Variants in MSH3 observed in about 807,000 individuals in gnomAD.
MSH3 encodes the protein mutS homolog 3.
MSH3 carries 106 observed loss-of-function variants against 123.3 expected under a neutral mutation model. That is an observed-to-expected ratio of 0.86 (90% confidence interval 0.73 to 1.01). The LOEUF is 1.01. Among genes scored for constraint, MSH3 ranks in the 50% least tolerant of loss-of-function variants. MSH3 has a pLI of 0.00. For missense variants in MSH3, 1,459 were observed against 1,347.6 expected, an observed-to-expected ratio of 1.08 and a Z score of -1.29; for synonymous variants, 515 against 481.4, an observed-to-expected ratio of 1.07 and a Z score of -0.91.
intron 20 of MSH3, among the ~76,000 whole-genome samples, chr5:80,827,122 TTAAG>T (rs1235880934): frequency 1.3e-5 from 2 of 152,218 alleles, no homozygotes; most frequent in Non-Finnish European, 2.9e-5. Flanking sequence ...GACTCAGTAA[TTAAG>T]TTTTAGAAAA....
At chr5:80,664,991 T>C (rs868323897) in intron 2 of MSH3, 152 bp from the exon 3 acceptor site, 40 of 634,112 alleles carry the variant, frequency 6.3e-5, no homozygotes, top group Non-Finnish European at 9.2e-5. Context: ...CTGAACCCAG[T>C]GTTTCTTTCT....
intron 12 of MSH3, among the ~76,000 whole-genome samples, chr5:80,748,939 C>G (rs1183537201): frequency 6.6e-6 from 1 of 151,982 alleles, no homozygotes; most frequent in Admixed American, 6.6e-5. Context: ...AGGTATTCCA[C>G]TTTCAGTAGC....
chr5:80,763,510 A>G (rs1269842906), intron 13 of MSH3, among the ~76,000 whole-genome samples: 1 of 152,204 alleles, frequency 6.6e-6, no homozygotes, highest in East Asian at 1.9e-4. Context: ...GTGCCAAACC[A>G]TTTGTTGTTT....
At chr5:80,682,403 A>C (rs1375815213) in intron 8 of MSH3, among the ~76,000 whole-genome samples, 1 of 151,906 alleles carries the variant, frequency 6.6e-6, no homozygotes, top group African/African-American at 2.4e-5. Context: ...TGTAAGAGGA[A>C]GTTTTTTTTT....
At chr5:80,791,536 G>A (rs942549766) in intron 18 of MSH3, among the ~76,000 whole-genome samples, 4 of 152,070 alleles carry the variant, frequency 2.6e-5, no homozygotes, top group African/African-American at 9.7e-5. Context: ...TTGAAAACCA[G>A]GAGAATATGG....
chr5:80,742,002 TC>T lies in MSH3; in HGVS notation c.1653+455del, dbSNP rs1292032879. ...GCATAACATTTCAGTTTGCAAACTT[TC>T]TTTTTTTTTTTTTCTTCTTTGAGAC... On this transcript the variant is annotated intron_variant, in intron 11 of 23. Transcript: ENST00000265081. Among the ~76,000 whole-genome samples, 3 of 142,208 alleles carry T rather than the reference TC, an allele frequency of 2.1e-5. 1 individual carries two copies. Among genetic ancestry groups the T allele is most frequent in the African/African-American group, 5.0e-5 (2 of 39,864 alleles). The allele number at this position is 142,208 out of a possible 152,430, so 93.3% of individuals were successfully genotyped here.
chr5:80,814,752 GC>G (rs1313133880), intron 20 of MSH3, among the ~76,000 whole-genome samples: 1 of 152,154 alleles, frequency 6.6e-6, no homozygotes, highest in Non-Finnish European at 1.5e-5. Flanking sequence ...ACTGCAAAAG[GC>G]ATTGGACCAA....
chr5:80,875,472 T>C (rs1375645469), intron 23 of MSH3, among the ~76,000 whole-genome samples: 3 of 152,156 alleles, frequency 2.0e-5, no homozygotes, highest in Non-Finnish European at 4.4e-5. Flanking sequence ...TAGCAGAGTT[T>C]GAAGGAGGAG....
At chr5:80,856,002 G>A (rs775923947) in intron 21 of MSH3, among the ~76,000 whole-genome samples, 10 of 149,486 alleles carry the variant, frequency 6.7e-5, no homozygotes, top group Middle Eastern at 3.2e-3. Context: ...CTTCCACTTC[G>A]GCCTCCCGAG....
intron 12 of MSH3, among the ~76,000 whole-genome samples, chr5:80,748,633 T>G (rs1343641426): frequency 2.0e-5 from 3 of 152,020 alleles, no homozygotes; most frequent in Admixed American, 1.3e-4. Context: ...AATTAATTTT[T>G]TTTGAGGTTC....
chr5:80,760,222 C>T (rs1056650817), intron 12 of MSH3, among the ~76,000 whole-genome samples: 62 of 152,160 alleles, frequency 4.1e-4, no homozygotes, highest in African/African-American at 1.5e-3. Context: ...TTCATTCATT[C>T]ATTTACAAAC....
At chr5:80,669,193 T>G (rs6151624) in intron 3 of MSH3, among the ~76,000 whole-genome samples, 9 of 152,244 alleles carry the variant, frequency 5.9e-5, no homozygotes, top group Admixed American at 4.6e-4. Flanking sequence ...ATTTGGGAAC[T>G]ACAAAGTGTA....
intron 12 of MSH3, among the ~76,000 whole-genome samples, chr5:80,751,257 A>C (rs245013): frequency 0.34 from 52,427 of 152,050 alleles, 9,598 homozygotes; most frequent in East Asian, 0.44. Flanking sequence ...ATTCTGCTAA[A>C]AATTAAAGCG....
chr5:80,750,865 CT>C (rs1220640112), intron 12 of MSH3, among the ~76,000 whole-genome samples: 1 of 152,154 alleles, frequency 6.6e-6, no homozygotes, highest in Non-Finnish European at 1.5e-5. Context: ...TTCTGTTTCT[CT>C]TTAATCTTTA....
At chr5:80,749,786 G>A (rs927549087) in intron 12 of MSH3, among the ~76,000 whole-genome samples, 1 of 151,692 alleles carries the variant, frequency 6.6e-6, no homozygotes, top group African/African-American at 2.4e-5. Context: ...TATAGTCACC[G>A]TACTATGCAA....
chr5:80,798,722 C>T (rs772769027), intron 19 of MSH3, among the ~76,000 whole-genome samples: 4 of 152,170 alleles, frequency 2.6e-5, no homozygotes, highest in Non-Finnish European at 5.9e-5. Context: ...TCTCCTCTCT[C>T]CTGCTTCTGA....
chr5:80,738,070 C>A (rs768049789), intron 10 of MSH3, among the ~76,000 whole-genome samples: 2 of 152,172 alleles, frequency 1.3e-5, no homozygotes, highest in African/African-American at 4.8e-5. Flanking sequence ...TTAATACTTA[C>A]GTTAATACCA....
chr5:80,803,206 A>C (rs1220745405), intron 19 of MSH3, among the ~76,000 whole-genome samples: 1 of 152,168 alleles, frequency 6.6e-6, no homozygotes, highest in Non-Finnish European at 1.5e-5. Context: ...AGTAGTGTAC[A>C]AGAGTTACCT....
intron 11 of MSH3, among the ~76,000 whole-genome samples, 160 bp downstream of exon 11, chr5:80,741,708 C>G (rs1194266331): frequency 6.6e-6 from 1 of 152,108 alleles, no homozygotes; most frequent in African/African-American, 2.4e-5. Context: ...ATGAACTGTA[C>G]ATAATATTTC....
Sources: allele counts gnomAD v4.1 joint callset (sites outside exome capture counted in the v4.1 genomes callset), GRCh38; gene constraint gnomAD v4.1.1; transcripts MANE v1.5; gene names NCBI Gene and HGNC (gene_info 2026-07-23, HGNC 2026-07-21).